RGP1: variants seen among roughly 807,000 people sequenced by gnomAD.
The protein encoded by RGP1 is RGP1 partner of RAB6A GEF complex.
In RGP1, 28 loss-of-function variants were observed where a neutral mutation model predicts 44.5. The ratio of observed to expected loss-of-function variants is 0.63; its 90% CI spans 0.47 to 0.86. The LOEUF is 0.86. RGP1 is among the 40% of genes least tolerant of loss of function. RGP1 has a pLI of 0.00. For missense variants in RGP1, 417 were observed against 490.7 expected, an observed-to-expected ratio of 0.85 and a Z score of 1.42; for synonymous variants, 212 against 196.7, an observed-to-expected ratio of 1.08 and a Z score of -0.65.
At chr9:35,786,490 C>T in the RGP1 span, among the ~76,000 whole-genome samples, 1 of 152,188 alleles carries the variant, frequency 6.6e-6, no homozygotes, top group African/African-American at 2.4e-5. Flanking sequence ...TGTGAGAGGG[C>T]AGAGAAGAAC....
intron 2 of RGP1, 131 bp from the exon 3 acceptor site, chr9:35,750,112 G>A (rs1827212635): frequency 7.6e-7 from 1 of 1,324,144 alleles, no homozygotes; most frequent in East Asian, 2.5e-5. Flanking sequence ...GTTTCTCTTT[G>A]GGATTGTGGA....
At chr9:35,767,562 A>G in the RGP1 span, among the ~76,000 whole-genome samples, 2 of 152,242 alleles carry the variant, frequency 1.3e-5, no homozygotes, top group African/African-American at 4.8e-5. Flanking sequence ...GATGAGCTCT[A>G]TGATCTAGTC....
rs1827337301 is a variant in RGP1, at chr9:35,755,036, A to C, written c.*2162A>C. On this transcript the variant is annotated 3_prime_UTR_variant, in exon 9 of 9. Coordinates refer to ENST00000378078, the MANE Select transcript of RGP1 (RefSeq NM_001080496.3). ...AATGGAGTGAGGTTTTTAGGAATTT[A>C]TCATTTGGCATCCTCTGAGTTTCCC... 6.6e-6 allele frequency: 1 copy of C among 152,144 alleles called. No individual in the cohort carries two copies. Among genetic ancestry groups the C allele is most frequent in the Non-Finnish European group, 1.5e-5 (1 of 68,028 alleles). 9.4% of individuals were successfully genotyped at this position (152,144 alleles called of 1,614,324 possible).
Position 35,753,380 on chromosome 9 carries a change from C to A in RGP1, c.*506C>A. 2.3e-6 allele frequency: 3 copies of A among 1,331,930 alleles called. No homozygotes were observed. The highest frequency in any genetic ancestry group is 2.7e-5 in the South Asian group (2 of 73,102). The allele number at this position is 1,331,930 out of a possible 1,614,324, so 82.5% of individuals were successfully genotyped here. A position where few individuals can be genotyped will look rare whatever the true frequency, so the allele number is the denominator to read the frequency against. ...CTCACAGTTTTCCCCCCACAGAGCC[C>A]CTTTCAGTGGCCCCTTGGTCCTCCT... On this transcript the variant is annotated 3_prime_UTR_variant, in exon 9 of 9. Coordinates refer to ENST00000378078, the MANE Select transcript of RGP1 (RefSeq NM_001080496.3). The surrounding 1 kb of genome is among the most constrained non-coding windows in gnomAD (Gnocchi z 4.2).
At chr9:35,782,661 G>T in the RGP1 span, among the ~76,000 whole-genome samples, 1 of 152,066 alleles carries the variant, frequency 6.6e-6, no homozygotes, top group East Asian at 1.9e-4. Flanking sequence ...GGTCAGGCTG[G>T]TCTCAAACTC....
downstream of RGP1, among the ~76,000 whole-genome samples, chr9:35,759,841 A>G (rs989778171): frequency 1.5e-5 from 2 of 135,970 alleles, no homozygotes; most frequent in Non-Finnish European, 3.2e-5. Context: ...AAGAATCTCT[A>G]ATGTCCTTTT....
Position 35,751,920 on chromosome 9 carries a change from A to C in RGP1, c.763-36A>C, listed in dbSNP as rs1489731060. The C allele has an allele frequency of 5.1e-6, 8 of 1,558,282 alleles. No individual in the cohort carries two copies. In the Admixed American group the frequency reaches 5.5e-5, roughly 11 times the overall value. On this transcript the variant is annotated intron_variant, in intron 7 of 8. Coordinates refer to ENST00000378078, the MANE Select transcript of RGP1 (RefSeq NM_001080496.3). ...GGCTGTCCTCTCACCTACAGACAGCACTTCCTGTTAGCACACACCTGTCTC... is the reference window on the plus strand; with the variant it reads ...GGCTGTCCTCTCACCTACAGACAGCCCTTCCTGTTAGCACACACCTGTCTC...
In RGP1 at chr9:35,749,706, C is replaced by A; in HGVS notation, c.-19-31C>A. On this transcript the variant is annotated intron_variant, in intron 1 of 8. Transcript: ENST00000378078. The surrounding 1 kb of genome is among the most constrained non-coding windows in gnomAD (Gnocchi z 4.4). ...CGCAACGCCCCTCCCTGTCAAGGTGCTGACCTCCGCCCCGCCTTGTTTCCT... is the reference window on the plus strand; with the variant it reads ...CGCAACGCCCCTCCCTGTCAAGGTGATGACCTCCGCCCCGCCTTGTTTCCT... 1.5e-6 allele frequency: 2 copies of A among 1,370,820 alleles called. No homozygotes were observed. The highest frequency in any genetic ancestry group is 1.2e-5 in the South Asian group (1 of 83,656). The allele number at this position is 1,370,820 out of a possible 1,614,324, so 84.9% of individuals were successfully genotyped here. A position where few individuals can be genotyped will look rare whatever the true frequency, so the allele number is the denominator to read the frequency against.
At chr9:35,782,328 AT>A in the RGP1 span, among the ~76,000 whole-genome samples, 1 of 152,104 alleles carries the variant, frequency 6.6e-6, no homozygotes. Flanking sequence ...TTAGTCACTG[AT>A]TTTCAAAGTG....
chr9:35,763,609 C>T, the RGP1 span, among the ~76,000 whole-genome samples: 5 of 152,124 alleles, frequency 3.3e-5, no homozygotes, highest in African/African-American at 4.8e-5. Context: ...AGACTGGGCG[C>T]GATGGCTCAC....
At chr9:35,761,915 A>G (rs1279749006), downstream of RGP1, among the ~76,000 whole-genome samples, 2 of 152,174 alleles carry the variant, frequency 1.3e-5, no homozygotes, top group Admixed American at 1.3e-4. Context: ...GCACTTTGGG[A>G]GGCCGAGGCA....
chr9:35,782,810 ATTT>A, the RGP1 span, among the ~76,000 whole-genome samples: 1 of 129,118 alleles, frequency 7.7e-6, no homozygotes. Flanking sequence ...AAGTTACTTA[ATTT>A]TTTTTTTTTT....
the RGP1 span, among the ~76,000 whole-genome samples, chr9:35,783,107 C>G: frequency 4.6e-5 from 7 of 152,092 alleles, no homozygotes; most frequent in Non-Finnish European, 8.8e-5. Context: ...CTGCGCCTGG[C>G]CCTTAATTTT....
chr9:35,774,523 A>C, the RGP1 span, among the ~76,000 whole-genome samples: 5 of 152,104 alleles, frequency 3.3e-5, no homozygotes, highest in African/African-American at 1.2e-4. Flanking sequence ...GTCAGGAGAT[A>C]GAGACCATCC....
intron 4 of RGP1, 28 bp from the exon 5 acceptor site, chr9:35,750,812 G>A (rs769416685): frequency 6.2e-7 from 1 of 1,613,812 alleles, no homozygotes; most frequent in South Asian, 1.1e-5. Flanking sequence ...GGTGCCTCTG[G>A]CTGTCCTGAC....
chr9:35,762,016 GCATGTTGGCACAT>G (rs1827422364), downstream of RGP1, among the ~76,000 whole-genome samples: 1 of 152,022 alleles, frequency 6.6e-6, no homozygotes, highest in Non-Finnish European at 1.5e-5. Flanking sequence ...AATTATCCAG[GCATGTTGGCACAT>G]GCCTGTCATC....
the RGP1 span, among the ~76,000 whole-genome samples, chr9:35,768,423 G>A: frequency 0.025 from 3,859 of 152,288 alleles, 67 homozygotes; most frequent in Non-Finnish European, 0.039. Flanking sequence ...GACCCTGGAG[G>A]TCAAGATGTG....
chr9:35,752,765 TACCTGTAGA>T lies in RGP1; in HGVS notation c.1068_1076del (p.Pro357_Asp359del). On this transcript the variant is annotated inframe_deletion, in exon 9 of 9. Coordinates refer to ENST00000378078, the MANE Select transcript of RGP1 (RefSeq NM_001080496.3). ...ACCACCTGGACAGGACCTGAGCAAG[TACCTGTAGA>T]CACCTTCAGCTGGGACCTGCCCATC... 6.2e-7 allele frequency: 1 copy of T among 1,613,796 alleles called. No homozygotes were observed. Among genetic ancestry groups the T allele is most frequent in the Non-Finnish European group, 8.5e-7 (1 of 1,179,792 alleles).
At chr9:35,774,596 C>T in the RGP1 span, among the ~76,000 whole-genome samples, 1 of 152,052 alleles carries the variant, frequency 6.6e-6, no homozygotes, top group Non-Finnish European at 1.5e-5. Context: ...TGTTGGCGGG[C>T]GCCTGTAGTC....
Sources: allele counts gnomAD v4.1 joint callset (sites outside exome capture counted in the v4.1 genomes callset), GRCh38; gene constraint gnomAD v4.1.1; non-coding constraint Gnocchi (gnomAD v3.1); transcripts MANE v1.5; gene names NCBI Gene and HGNC (gene_info 2026-07-23, HGNC 2026-07-21).